The following PIWIL1 variants were observed in gnomAD, a reference collection of about 807,000 sequenced individuals.
PIWIL1 encodes piwi-like protein 1.
In PIWIL1, 73 loss-of-function variants were observed where a neutral mutation model predicts 114.4. That is an observed-to-expected ratio of 0.64 (90% confidence interval 0.53 to 0.78). The LOEUF (loss-of-function observed/expected upper bound fraction) is 0.78. PIWIL1 is among the 30% of genes least tolerant of loss of function. The pLI is 0.00. For missense variants in PIWIL1, 723 were observed against 1,063.1 expected (o/e 0.68, Z 4.45); for synonymous variants, 375 against 369.0 (o/e 1.02, Z -0.19).
intron 1 of PIWIL1, among the ~76,000 whole-genome samples, chr12:130,340,632 T>C (rs372069234): frequency 2.0e-5 from 1 of 48,854 alleles, no homozygotes; most frequent in Non-Finnish European, 3.2e-5. Context: ...TGGTGGTGGT[T>C]GGGGGAGGGG....
chr12:130,415,960 C>CACAT, the PIWIL1 span, among the ~76,000 whole-genome samples: 1 of 49,260 alleles, frequency 2.0e-5, no homozygotes, highest in Non-Finnish European at 3.8e-5. Context: ...TGACAATAGC[C>CACAT]ACACACACAC....
intron 3 of PIWIL1, 173 bp from the exon 4 acceptor site, chr12:130,345,580 A>G (rs1340457370): frequency 1.6e-6 from 1 of 621,078 alleles, no homozygotes. Context: ...TAACTAGGAA[A>G]CCATTCTCTC....
the PIWIL1 span, among the ~76,000 whole-genome samples, chr12:130,420,071 T>C: frequency 1.3e-5 from 2 of 152,222 alleles, no homozygotes; most frequent in African/African-American, 2.4e-5. This position sits in a 1 kb window ranked among gnomAD's most constrained non-coding sequence, Gnocchi z 4.3. Flanking sequence ...TCTAAAATAT[T>C]GTTTTCTAGT....
chr12:130,348,533 TC>T (rs1399925561), intron 7 of PIWIL1, among the ~76,000 whole-genome samples: 15 of 152,206 alleles, frequency 9.9e-5, no homozygotes, highest in African/African-American at 3.4e-4. Flanking sequence ...GGACCACTCA[TC>T]CCCCAGACCT....
At chr12:130,396,115 CAAAG>C in the PIWIL1 span, 3 of 151,548 alleles carry the variant, frequency 2.0e-5, no homozygotes, top group African/African-American at 7.3e-5. Flanking sequence ...ATATTTAAAA[CAAAG>C]AGAATAAACA....
chr12:130,347,450 A>G (rs2073099097), intron 6 of PIWIL1, among the ~76,000 whole-genome samples: 1 of 152,196 alleles, frequency 6.6e-6, no homozygotes, highest in African/African-American at 2.4e-5. Context: ...TTCAGTGTAC[A>G]TATCACATAT....
At chr12:130,379,457 G>A in the PIWIL1 span, among the ~76,000 whole-genome samples, 1 of 121,266 alleles carries the variant, frequency 8.2e-6, no homozygotes, top group Non-Finnish European at 1.7e-5. Flanking sequence ...TCCAAGCATT[G>A]ACAGTTCCTT....
At position 130,349,454 on chromosome 12, in the gene PIWIL1, A is replaced by G; in HGVS notation, c.932+18A>G. The G allele has an allele frequency of 6.5e-7, 1 of 1,529,350 alleles. No homozygotes were observed. The highest frequency in any genetic ancestry group is 9.0e-7 in the Non-Finnish European group (1 of 1,106,356). 94.7% of individuals were successfully genotyped at this position (1,529,350 alleles called of 1,614,324 possible). A position where few individuals can be genotyped will look rare whatever the true frequency, so the allele number is the denominator to read the frequency against. ...CTTACCAAGTAAGACTGCTTTTTAA[A>G]GTGCACAATAATTTTTTGTGAGTCA... is the stretch of plus-strand genomic sequence containing the variant. On this transcript the variant is annotated intron_variant, in intron 8 of 20. Transcript: ENST00000245255.
At chr12:130,385,372 C>T in the PIWIL1 span, among the ~76,000 whole-genome samples, 4 of 152,192 alleles carry the variant, frequency 2.6e-5, no homozygotes, top group African/African-American at 4.8e-5. Flanking sequence ...AACATCCTTA[C>T]GTGGGTTTTT....
At chr12:130,343,283 A>G (rs1033442427) in intron 3 of PIWIL1, among the ~76,000 whole-genome samples, 182 bp downstream of exon 3, 3 of 152,246 alleles carry the variant, frequency 2.0e-5, no homozygotes, top group Non-Finnish European at 2.9e-5. Flanking sequence ...TAAACATTCT[A>G]TGTATCAGTC....
At chr12:130,384,853 T>A in the PIWIL1 span, among the ~76,000 whole-genome samples, 1 of 152,226 alleles carries the variant, frequency 6.6e-6, no homozygotes, top group Admixed American at 6.5e-5. Context: ...ATGACTTTTT[T>A]AAAAAATAAA....
intron 18 of PIWIL1, among the ~76,000 whole-genome samples, chr12:130,363,652 C>G (rs1446668177): frequency 8.2e-6 from 1 of 121,826 alleles, no homozygotes; most frequent in Non-Finnish European, 1.6e-5. Flanking sequence ...GAGTCTCGCT[C>G]TGTTGCCCAG....
chr12:130,348,022 C>A (rs773396034), intron 6 of PIWIL1, 81 bp from the exon 7 acceptor site: 4 of 921,066 alleles, frequency 4.3e-6, no homozygotes, highest in Non-Finnish European at 6.7e-6. Flanking sequence ...TTTGCCAACC[C>A]CTGCTCTAAA....
At chr12:130,342,905 A>G (rs2072964073) in intron 2 of PIWIL1, 85 bp from the exon 3 acceptor site, 2 of 935,538 alleles carry the variant, frequency 2.1e-6, no homozygotes, top group Non-Finnish European at 3.5e-6. Context: ...GTGTTGGTTG[A>G]ATTCCTGAGA....
intron 4 of PIWIL1, 44 bp from the exon 5 acceptor site, chr12:130,346,326 A>T: frequency 6.9e-7 from 1 of 1,457,554 alleles, no homozygotes. Flanking sequence ...TCAAGGAAAA[A>T]TAAACTTGAT....
chr12:130,406,974 C>T, the PIWIL1 span, among the ~76,000 whole-genome samples: 2 of 152,200 alleles, frequency 1.3e-5, no homozygotes, highest in East Asian at 1.9e-4. Flanking sequence ...TACGATGGGC[C>T]GGGCTGCAGC....
the PIWIL1 span, among the ~76,000 whole-genome samples, chr12:130,395,232 G>C: frequency 6.6e-6 from 1 of 152,194 alleles, no homozygotes; most frequent in Admixed American, 6.5e-5. Context: ...TGGTAATGGA[G>C]AGCTTCCTAA....
intron 1 of PIWIL1, chr12:130,339,538 G>A (rs10773767): frequency 0.2 from 30,434 of 152,140 alleles, 3,272 homozygotes; most frequent in Non-Finnish European, 0.24. Flanking sequence ...GTAGCGAATC[G>A]GAGAGGTGAT....
At chr12:130,343,497 G>A (rs910198914) in intron 3 of PIWIL1, among the ~76,000 whole-genome samples, 4 of 152,006 alleles carry the variant, frequency 2.6e-5, no homozygotes, top group African/African-American at 7.2e-5. Context: ...TGCTTGTCAC[G>A]GTAAATGCTC....
Sources: allele counts gnomAD v4.1 joint callset (sites outside exome capture counted in the v4.1 genomes callset), GRCh38; gene constraint gnomAD v4.1.1; non-coding constraint Gnocchi (gnomAD v3.1); transcripts MANE v1.5; gene names NCBI Gene and HGNC (gene_info 2026-07-23, HGNC 2026-07-21).